Variants in ADAMTS2 observed in about 807,000 individuals in gnomAD.
ADAMTS2 encodes ADAM metallopeptidase with thrombospondin type 1 motif 2, also known as A disintegrin and metalloproteinase with thrombospondin motifs 2.
In ADAMTS2, 50 loss-of-function variants were observed where a neutral mutation model predicts 123.0. That is an observed-to-expected ratio of 0.41 (90% CI 0.32 to 0.51). The LOEUF is 0.51. Ranked by LOEUF, ADAMTS2 falls within the 20% of genes least tolerant of loss-of-function variation. ADAMTS2 has a pLI of 0.35. For synonymous variants in ADAMTS2, 678 were observed against 695.4 expected, an observed-to-expected ratio of 0.98 and a Z score of 0.39; for missense variants, 1,494 against 1,705.2, an observed-to-expected ratio of 0.88 and a Z score of 2.18.
At position 179,312,846 on chromosome 5, in the gene ADAMTS2, A is replaced by G. The variant is rs529795715; in HGVS notation, c.534+30921T>C. Among the ~76,000 whole-genome samples, 1 of 152,396 alleles carries G rather than the reference A, an allele frequency of 6.6e-6. No individual in the cohort carries two copies. The highest frequency in any genetic ancestry group is 2.4e-5 in the African/African-American group (1 of 41,602). ...GTTTTGCCCTGTTGAAACTGATTTC[A>G]GCCTCCAGAACCGTGAGAGGATACA... On this transcript the variant is annotated intron_variant, in intron 2 of 21. Transcript: ENST00000251582. The surrounding 1 kb of genome is among the most constrained non-coding windows in gnomAD (Gnocchi z 4.2).
At position 179,125,109 on chromosome 5, in the gene ADAMTS2, C is replaced by A; in HGVS notation, c.2822G>T (p.Arg941Leu). The A allele has an allele frequency of 6.2e-7, 1 of 1,612,926 alleles. No individual in the cohort carries two copies. The highest frequency in any genetic ancestry group is 8.5e-7 in the Non-Finnish European group (1 of 1,179,896). Reference protein sequence around the residue: ...GRTGMQVRSVRCIQPLHDNTT... With the variant: ...GRTGMQVRSVLCIQPLHDNTT... ...GTTGTCGTGTAGCGGCTGAATGCAGCGCACGGAGCGCACCTGCATGCCTGT... is the reference window on the plus strand; with the variant it reads ...GTTGTCGTGTAGCGGCTGAATGCAGAGCACGGAGCGCACCTGCATGCCTGT... The change falls in exon 19 of 22, where the codon CGC (arginine) becomes CTC (leucine). Residue 941 changes from arginine (R) to leucine (L), a missense_variant. Arg to Leu is a moderately radical substitution (Grantham distance 102). Coordinates refer to ENST00000251582, the MANE Select transcript of ADAMTS2 (RefSeq NM_014244.5).
chr5:179,210,176 C>T (rs1458256031), intron 3 of ADAMTS2, among the ~76,000 whole-genome samples: 1 of 152,228 alleles, frequency 6.6e-6, no homozygotes, highest in Admixed American at 6.5e-5. Flanking sequence ...GGGCTTGGCT[C>T]ACCAGGCCAC....
At position 179,154,741 on chromosome 5, in the gene ADAMTS2, G is replaced by A. The variant is rs565597952; in HGVS notation, c.1238+73C>T. The stretch of plus-strand genomic sequence containing the variant: ...GGGCGTGTCCCTCTTAAGGCACAGA[G>A]GAGAAGTGGGCAGCCAGGGCTGGGG... On this transcript the variant is annotated intron_variant, in intron 7 of 21. Transcript: ENST00000251582. 1.3e-4 allele frequency: 163 copies of A among 1,265,630 alleles called. No individual in the cohort carries two copies. In the African/African-American group the frequency reaches 2.2e-3, roughly 17 times the overall value. The allele number at this position is 1,265,630 out of a possible 1,614,324, so 78.4% of individuals were successfully genotyped here.
At chr5:179,135,853 C>T in intron 13 of ADAMTS2, 56 bp downstream of exon 13, 5 of 1,610,420 alleles carry the variant, frequency 3.1e-6, no homozygotes, top group Admixed American at 1.7e-5. Context: ...GAGGTCAGTA[C>T]CCAGGAAGCT....
chr5:179,272,781 C>T lies in ADAMTS2; in HGVS notation c.688+130G>A. 8.0e-7 allele frequency: 1 copy of T among 1,250,542 alleles called. No individual in the cohort carries two copies. Among genetic ancestry groups the T allele is most frequent in the East Asian group, 2.4e-5 (1 of 41,090 alleles). 77.5% of individuals were successfully genotyped at this position (1,250,542 alleles called of 1,614,324 possible). A position where few individuals can be genotyped will look rare whatever the true frequency, so the allele number is the denominator to read the frequency against. On this transcript the variant is annotated intron_variant, in intron 3 of 21. Transcript: ENST00000251582. The surrounding 1 kb of genome is among the most constrained non-coding windows in gnomAD (Gnocchi z 5.8). The stretch of plus-strand genomic sequence containing the variant: ...AGGCAGCTGGCCCATTTCTGAGCCA[C>T]TGAGACCGGGGCTCAGCCTCAGCAG...
Position 179,338,324 on chromosome 5 carries a change from C to T in ADAMTS2, c.534+5443G>A, listed in dbSNP as rs560446693. On this transcript the variant is annotated intron_variant, in intron 2 of 21. Coordinates refer to ENST00000251582, the MANE Select transcript of ADAMTS2 (RefSeq NM_014244.5). ...GTTTCCTACCTGTGAAATGGGGCCA[C>T]GGTGGCTGGCTCACAGGAAAACCGC... Among the ~76,000 whole-genome samples, 18 of 152,284 alleles carry T rather than the reference C, an allele frequency of 1.2e-4. No homozygotes were observed. In the South Asian group the frequency reaches 2.7e-3, roughly 23 times the overall value.
At chr5:179,134,537 C>T (rs940997544) in intron 13 of ADAMTS2, among the ~76,000 whole-genome samples, 3 of 152,210 alleles carry the variant, frequency 2.0e-5, no homozygotes, top group Non-Finnish European at 4.4e-5. Flanking sequence ...CTCTCAGTGA[C>T]ATTGGCCTCC....
At chr5:179,139,847 A>C (rs543433536) in intron 11 of ADAMTS2, 43 bp downstream of exon 11, 5 of 1,609,640 alleles carry the variant, frequency 3.1e-6, no homozygotes, top group Non-Finnish European at 3.4e-6. Flanking sequence ...CTGGACCCTC[A>C]GCTGCCACTC....
intron 3 of ADAMTS2, among the ~76,000 whole-genome samples, chr5:179,229,507 G>A (rs1000661184): frequency 1.3e-5 from 2 of 151,588 alleles, no homozygotes; most frequent in African/African-American, 2.4e-5. Flanking sequence ...CATTCCCGAC[G>A]GAGAGGTAAT....
intron 2 of ADAMTS2, among the ~76,000 whole-genome samples, chr5:179,326,056 C>T (rs1388232078): frequency 2.0e-5 from 3 of 152,232 alleles, no homozygotes; most frequent in African/African-American, 7.2e-5. Flanking sequence ...CTGCACATCC[C>T]CTCGCCACAC....
intron 2 of ADAMTS2, among the ~76,000 whole-genome samples, chr5:179,284,832 G>T (rs887078569): frequency 4.6e-5 from 7 of 152,148 alleles, no homozygotes; most frequent in Non-Finnish European, 8.8e-5. Flanking sequence ...CGAAGAAGGC[G>T]GCAAGCCCAG....
rs1320480919 is a variant in ADAMTS2, at chr5:179,260,341, A to T, written c.688+12570T>A. ...TTTACGCACCAACCGTGTGCCAGGC[A>T]TTCCTCAAAATGCTGCAAATTCCAC... On this transcript the variant is annotated intron_variant, in intron 3 of 21. Transcript: ENST00000251582. This position sits in a 1 kb window ranked among gnomAD's most constrained non-coding sequence, Gnocchi z 4.2. 6.6e-6 allele frequency among the ~76,000 whole-genome samples: 1 copy of T among 152,198 alleles called. No homozygotes were observed. The highest frequency in any genetic ancestry group is 1.5e-5 in the Non-Finnish European group (1 of 68,020).
intron 17 of ADAMTS2, among the ~76,000 whole-genome samples, chr5:179,127,026 T>C (rs1762872803): frequency 6.6e-6 from 1 of 152,204 alleles, no homozygotes; most frequent in Non-Finnish European, 1.5e-5. Context: ...GAGAATTTTG[T>C]TTTTTATCCT....
intron 3 of ADAMTS2, among the ~76,000 whole-genome samples, chr5:179,223,108 G>T (rs1285043257): frequency 1.3e-5 from 2 of 152,178 alleles, no homozygotes; most frequent in Admixed American, 1.3e-4. Context: ...TCATTCACTC[G>T]TCAAGTATTT....
chr5:179,211,895 C>T (rs144617450), intron 3 of ADAMTS2, among the ~76,000 whole-genome samples: 4 of 152,292 alleles, frequency 2.6e-5, no homozygotes, highest in Non-Finnish European at 5.9e-5. Context: ...AAGGTGGAGG[C>T]GTGTCACCAT....
At position 179,162,443 on chromosome 5, in the gene ADAMTS2, A is replaced by G. The variant is rs1194713937; in HGVS notation, c.976-3564T>C. Reference sequence around the variant, plus strand: ...TTAAAGGAGGATGAGACCACTGTCGAGCTAAGACTGGGGCTGCAGTCTCAT... The same window carrying G: ...TTAAAGGAGGATGAGACCACTGTCGGGCTAAGACTGGGGCTGCAGTCTCAT... On this transcript the variant is annotated intron_variant, in intron 5 of 21. Coordinates refer to ENST00000251582, the MANE Select transcript of ADAMTS2 (RefSeq NM_014244.5). This position sits in a 1 kb window ranked among gnomAD's most constrained non-coding sequence, Gnocchi z 5.1. 6.6e-6 allele frequency among the ~76,000 whole-genome samples: 1 copy of G among 152,118 alleles called. No homozygotes were observed. The highest frequency in any genetic ancestry group is 1.9e-4 in the East Asian group (1 of 5,162).
rs776440254 is a variant in ADAMTS2 at position 179,303,880 on chromosome 5, G to A, written c.535-30816C>T. ...CTTTCTGGCCAGAGAGATTTAACAAGGAGCCGCAGGAAACTGGACAGGGCT... is the reference window on the plus strand; with the variant it reads ...CTTTCTGGCCAGAGAGATTTAACAAAGAGCCGCAGGAAACTGGACAGGGCT... On this transcript the variant is annotated intron_variant, in intron 2 of 21. Transcript: ENST00000251582. The surrounding 1 kb of genome is among the most constrained non-coding windows in gnomAD (Gnocchi z 4.7). Among the ~76,000 whole-genome samples, 3 of 152,220 alleles carry A rather than the reference G, an allele frequency of 2.0e-5. No individual in the cohort carries two copies. The highest frequency in any genetic ancestry group is 4.4e-5 in the Non-Finnish European group (3 of 68,048).
chr5:179,240,026 G>A (rs963950222), intron 3 of ADAMTS2, among the ~76,000 whole-genome samples: 4 of 152,124 alleles, frequency 2.6e-5, no homozygotes, highest in Non-Finnish European at 5.9e-5. Flanking sequence ...GAGAGGAATC[G>A]AAGATGGCGT....
chr5:179,219,867 G>T (rs946354069), intron 3 of ADAMTS2, among the ~76,000 whole-genome samples: 1 of 152,234 alleles, frequency 6.6e-6, no homozygotes, highest in East Asian at 1.9e-4. Context: ...AACTACCGAG[G>T]CTCCTCTGCA....
Sources: allele counts gnomAD v4.1 joint callset (sites outside exome capture counted in the v4.1 genomes callset), GRCh38; gene constraint gnomAD v4.1.1; non-coding constraint Gnocchi (gnomAD v3.1); transcripts MANE v1.5; gene names NCBI Gene and HGNC (gene_info 2026-07-23, HGNC 2026-07-21).